Variants in MYLK4 observed in about 807,000 individuals in gnomAD.
MYLK4 encodes myosin light chain kinase family member 4, also known as caMLCK like.
MYLK4 carries 46 observed loss-of-function variants against 48.1 expected under a neutral mutation model. The ratio of observed to expected loss-of-function variants is 0.96; its 90% CI spans 0.75 to 1.22. The LOEUF is 1.22. Ranked by LOEUF, MYLK4 falls within the 50% of genes most tolerant of loss-of-function variation. The pLI, the probability that MYLK4 is intolerant of heterozygous loss-of-function variation, is 0.00. For missense variants in MYLK4, 451 were observed against 486.1 expected (o/e 0.93, Z 0.68); for synonymous variants, 170 against 180.8 (o/e 0.94, Z 0.48).
intron 2 of MYLK4, among the ~76,000 whole-genome samples, chr6:2,706,193 T>G (rs968428346): frequency 3.9e-4 from 42 of 106,402 alleles, no homozygotes; most frequent in African/African-American, 1.5e-3. Context: ...GCTCTGAATA[T>G]TCTATCTGTT....
chr6:2,734,756 T>C (rs1377008257), intron 2 of MYLK4, among the ~76,000 whole-genome samples: 1 of 152,218 alleles, frequency 6.6e-6, no homozygotes, highest in Non-Finnish European at 1.5e-5. Flanking sequence ...ACCTTTATTT[T>C]TCTTTCAGCA....
chr6:2,685,808 C>T lies in MYLK4; in HGVS notation c.342-232G>A, dbSNP rs1156270585. Among the ~76,000 whole-genome samples, 3 of 152,134 alleles carry T rather than the reference C, an allele frequency of 2.0e-5. No individual in the cohort carries two copies. Among genetic ancestry groups the T allele is most frequent in the Non-Finnish European group, 4.4e-5 (3 of 68,016 alleles). On this transcript the variant is annotated intron_variant, in intron 4 of 12. Coordinates refer to ENST00000274643, the MANE Select transcript of MYLK4 (RefSeq NM_001012418.5). The surrounding 1 kb of genome is among the most constrained non-coding windows in gnomAD (Gnocchi z 4.5). ...GGTCTCGGCCGGGCACGGTGGCTCA[C>T]ACCTGTAATCCCAGCACTTTGGGAG...
At chr6:2,701,411 C>T (rs541078645) in intron 2 of MYLK4, among the ~76,000 whole-genome samples, 6 of 152,238 alleles carry the variant, frequency 3.9e-5, no homozygotes, top group East Asian at 1.9e-4. Context: ...TAATGTGAGG[C>T]GAGGTGTGGT....
At chr6:2,734,598 A>G (rs1292456703) in intron 2 of MYLK4, among the ~76,000 whole-genome samples, 1 of 152,122 alleles carries the variant, frequency 6.6e-6, no homozygotes, top group East Asian at 1.9e-4. Flanking sequence ...AGCCTGAAAG[A>G]CTATATATAT....
rs201952726 is a variant in MYLK4 at position 2,665,259 on chromosome 6, G to A, written c.*2666C>T. 3 of 152,320 alleles carry A rather than the reference G, an allele frequency of 2.0e-5. No homozygotes were observed. In the East Asian group the frequency reaches 5.8e-4, roughly 29 times the overall value. 9.4% of individuals were successfully genotyped at this position (152,320 alleles called of 1,614,324 possible). On this transcript the variant is annotated 3_prime_UTR_variant, in exon 13 of 13. Coordinates refer to ENST00000274643, the MANE Select transcript of MYLK4 (RefSeq NM_001012418.5). ...CCCCATTAGAGCAGCAGTCTACCTA[G>A]TTACCAGCTCTCGCTGGAGCAGCCA...
chr6:2,691,872 A>G (rs1761816787), intron 3 of MYLK4, among the ~76,000 whole-genome samples: 1 of 152,252 alleles, frequency 6.6e-6, no homozygotes, highest in African/African-American at 2.4e-5. Context: ...CAAGTTATAA[A>G]TCATTGCTTC....
At position 2,734,785 on chromosome 6, in the gene MYLK4, C is replaced by T. The variant is rs536322142; in HGVS notation, c.159+14351G>A. Among the ~76,000 whole-genome samples the T allele has an allele frequency of 4.6e-5, 7 of 152,272 alleles. No homozygotes were observed. The South Asian group carries it at 1.4e-3, about 32-fold the overall frequency. On this transcript the variant is annotated intron_variant, in intron 2 of 12. Transcript: ENST00000274643. Reference sequence around the variant, plus strand: ...TTCAGCAGTTTTTTGAAGTAAACTTCATCATCTGACTGCAGGGGTTAATGA... The same window carrying T: ...TTCAGCAGTTTTTTGAAGTAAACTTTATCATCTGACTGCAGGGGTTAATGA...
chr6:2,705,075 T>C (rs554547418), intron 2 of MYLK4, among the ~76,000 whole-genome samples: 6 of 152,374 alleles, frequency 3.9e-5, no homozygotes, highest in Admixed American at 1.3e-4. Flanking sequence ...GTTGTGATTA[T>C]GATTTAGTGG....
chr6:2,739,762 G>A (rs1763824089), intron 2 of MYLK4, among the ~76,000 whole-genome samples: 1 of 152,184 alleles, frequency 6.6e-6, no homozygotes, highest in African/African-American at 2.4e-5. Context: ...AAGACCTAGG[G>A]CCTAAATATA....
intron 4 of MYLK4, among the ~76,000 whole-genome samples, chr6:2,686,756 A>G (rs1193273175): frequency 6.6e-6 from 1 of 152,260 alleles, no homozygotes; most frequent in East Asian, 1.9e-4. Flanking sequence ...AGAATGACAC[A>G]GGATTACCAT....
the MYLK4 span, among the ~76,000 whole-genome samples, chr6:2,763,617 G>A: frequency 1.6e-3 from 248 of 152,350 alleles, 1 homozygote; most frequent in African/African-American, 5.7e-3. Flanking sequence ...CGCAAGCACC[G>A]CGCGCAGCCC....
At chr6:2,758,640 T>C in the MYLK4 span, among the ~76,000 whole-genome samples, 2 of 152,306 alleles carry the variant, frequency 1.3e-5, no homozygotes, top group African/African-American at 4.8e-5. Flanking sequence ...AATAATTTCC[T>C]TGATTTTCCT....
At chr6:2,766,387 C>G in the MYLK4 span, 11 of 1,607,892 alleles carry the variant, frequency 6.8e-6, no homozygotes, top group Admixed American at 1.5e-4. Flanking sequence ...TGCGCTCGCT[C>G]CTGGAGACCA....
the MYLK4 span, among the ~76,000 whole-genome samples, chr6:2,763,880 C>T: frequency 8.4e-3 from 1,273 of 151,208 alleles, 15 homozygotes; most frequent in Non-Finnish European, 0.011. Flanking sequence ...GGCGCAGTGG[C>T]TCATGCCTGT....
intron 2 of MYLK4, among the ~76,000 whole-genome samples, chr6:2,732,854 G>A (rs1247558995): frequency 6.6e-6 from 1 of 152,220 alleles, no homozygotes; most frequent in Non-Finnish European, 1.5e-5. Flanking sequence ...ACCTAGCCCT[G>A]GCTGTTCCTT....
At chr6:2,701,981 C>A (rs1762298477) in intron 2 of MYLK4, among the ~76,000 whole-genome samples, 1 of 152,184 alleles carries the variant, frequency 6.6e-6, no homozygotes. Context: ...AAGAGCTAAT[C>A]TCGTACTTGG....
At chr6:2,744,608 G>A (rs1447531847) in intron 2 of MYLK4, among the ~76,000 whole-genome samples, 4 of 152,180 alleles carry the variant, frequency 2.6e-5, no homozygotes, top group African/African-American at 9.7e-5. Flanking sequence ...AATCAAAATA[G>A]GAAAATCCAC....
chr6:2,698,167 A>T (rs1007431470), intron 2 of MYLK4, among the ~76,000 whole-genome samples: 1 of 152,252 alleles, frequency 6.6e-6, no homozygotes, highest in Non-Finnish European at 1.5e-5. Flanking sequence ...CAGGCCAGAT[A>T]GAAGAATGGA....
At chr6:2,730,314 T>C (rs76125808) in intron 2 of MYLK4, among the ~76,000 whole-genome samples, 2,372 of 152,354 alleles carry the variant, frequency 0.016, 55 homozygotes, top group African/African-American at 0.053. Flanking sequence ...TTGTGCCTGC[T>C]GGCTTGGAGT....
Sources: gnomAD v4.1 joint callset for allele counts (sites outside exome capture counted in the v4.1 genomes callset) on GRCh38, gnomAD v4.1.1 for gene constraint, Gnocchi (gnomAD v3.1) non-coding constraint, MANE v1.5 for transcripts, NCBI Gene and HGNC (gene_info 2026-07-23, HGNC 2026-07-21) for gene names.